Variants in CWC22 observed in about 807,000 individuals in gnomAD.
The protein encoded by CWC22 is CWC22 spliceosome associated protein, also known as pre-mRNA-splicing factor CWC22 homolog.
In CWC22, 53 loss-of-function variants were observed where a neutral mutation model predicts 117.2. That is an observed-to-expected ratio of 0.45 (90% CI 0.36 to 0.57). CWC22 has a LOEUF of 0.57. Among genes scored for constraint, CWC22 ranks in the 20% least tolerant of loss-of-function variants. CWC22 has a pLI of 0.00. For synonymous variants in CWC22, 360 were observed against 355.6 expected (o/e 1.01, Z -0.14); for missense variants, 980 against 1,068.8 (o/e 0.92, Z 1.16).
intron 1 of CWC22, among the ~76,000 whole-genome samples, chr2:179,993,784 G>C (rs899261666): frequency 6.6e-6 from 1 of 151,908 alleles, no homozygotes; most frequent in African/African-American, 2.4e-5. Context: ...TCATAAAATA[G>C]TAGTGTGATA....
At chr2:179,948,626 T>A (rs1045203995) in intron 19 of CWC22, among the ~76,000 whole-genome samples, 1 of 152,192 alleles carries the variant, frequency 6.6e-6, no homozygotes, top group African/African-American at 2.4e-5. Flanking sequence ...TTGTTTCTAA[T>A]GTACTCTTGC....
At chr2:179,973,892 CTA>C in intron 6 of CWC22, 90 bp from the exon 7 acceptor site, 6 of 601,828 alleles carry the variant, frequency 1.0e-5, no homozygotes, top group Non-Finnish European at 1.6e-5. Context: ...TAATATTTCT[CTA>C]TAAGTAATCA....
intron 1 of CWC22, among the ~76,000 whole-genome samples, chr2:179,996,321 G>A (rs1186992745): frequency 6.6e-6 from 1 of 151,924 alleles, no homozygotes; most frequent in Non-Finnish European, 1.5e-5. Context: ...ACGATGCAAA[G>A]AAAAATATGC....
At chr2:179,971,801 T>C (rs1335176060) in intron 8 of CWC22, among the ~76,000 whole-genome samples, 1 of 152,168 alleles carries the variant, frequency 6.6e-6, no homozygotes, top group East Asian at 1.9e-4. Flanking sequence ...AGTCAGACAG[T>C]GATTTAAGAT....
intron 7 of CWC22, 118 bp downstream of exon 7, chr2:179,973,516 T>C (rs1270859397): frequency 1.4e-6 from 1 of 734,128 alleles, no homozygotes; most frequent in Non-Finnish European, 2.2e-6. Context: ...TGAAAGACAG[T>C]TTTTAAAAAG....
rs763700302 is a variant in CWC22, at chr2:179,945,095, A to G, written c.*34T>C. The G allele has an allele frequency of 3.3e-5, 47 of 1,433,562 alleles. No individual in the cohort carries two copies. The highest frequency in any genetic ancestry group is 4.3e-5 in the Non-Finnish European group (45 of 1,053,208). 88.8% of individuals were successfully genotyped at this position (1,433,562 alleles called of 1,614,324 possible). ...AAAAAATAATTTGTTTCAACTGAAT[A>G]TAAGGCATGTCCAGTTTATGTCATT... On this transcript the variant is annotated 3_prime_UTR_variant, in exon 20 of 20. Transcript: ENST00000410053.
intron 14 of CWC22, among the ~76,000 whole-genome samples, chr2:179,956,933 A>G (rs1686610524): frequency 6.6e-6 from 1 of 152,150 alleles, no homozygotes; most frequent in East Asian, 1.9e-4. Flanking sequence ...TATAAGAGTT[A>G]TTCCCTCTAG....
chr2:179,958,664 C>A (rs763552820), intron 14 of CWC22, among the ~76,000 whole-genome samples: 4 of 151,872 alleles, frequency 2.6e-5, no homozygotes, highest in Non-Finnish European at 5.9e-5. Flanking sequence ...GATTGGATAC[C>A]CCTGCAGTGC....
At chr2:179,971,360 C>T (rs1294634577) in intron 8 of CWC22, among the ~76,000 whole-genome samples, 10 of 152,044 alleles carry the variant, frequency 6.6e-5, no homozygotes, top group African/African-American at 2.4e-4. Flanking sequence ...TATTCTTAGC[C>T]ATTATGTACG....
At chr2:179,970,596 C>G in intron 10 of CWC22, 33 bp from the exon 11 acceptor site, 12 of 1,562,134 alleles carry the variant, frequency 7.7e-6, no homozygotes, top group Non-Finnish European at 9.5e-6. Context: ...TGTTTATTTT[C>G]TATATTTACA....
At chr2:179,950,415 A>C (rs1686414004) in intron 19 of CWC22, 97 bp downstream of exon 19, 1 of 766,710 alleles carries the variant, frequency 1.3e-6, no homozygotes, top group Non-Finnish European at 2.1e-6. Flanking sequence ...ACTGATCTCT[A>C]AGACAAATAA....
chr2:179,973,040 T>C (rs993582652), intron 8 of CWC22, among the ~76,000 whole-genome samples, 153 bp downstream of exon 8: 3 of 151,882 alleles, frequency 2.0e-5, no homozygotes, highest in Non-Finnish European at 4.4e-5. Flanking sequence ...ACATTAAATA[T>C]ATTTATTATA....
Position 179,950,730 on chromosome 2 carries a change from T to A in CWC22, c.1922A>T (p.Asp641Val), listed in dbSNP as rs1285931256. The A allele has an allele frequency of 6.2e-7, 1 of 1,612,662 alleles. No homozygotes were observed. Among genetic ancestry groups the A allele is most frequent in the Non-Finnish European group, 8.5e-7 (1 of 1,178,866 alleles). ...ATTTTTGAGATGCTCCCGCAGTTCATCCCTAATTTAAAATATAATCTGTTA... is the reference window on the plus strand; with the variant it reads ...ATTTTTGAGATGCTCCCGCAGTTCAACCCTAATTTAAAATATAATCTGTTA... ...FTSIGLGGLT[D>V]ELREHLKNTP... The change falls in exon 19 of 20, where the codon GAT becomes GTT. Residue 641 changes from aspartate (D) to valine (V), a missense_variant and splice_region_variant. Physicochemically the swap from Asp to Val is radical, Grantham distance 152. This residue lies in a region of CWC22 where 115 missense variants were observed against 169.8 expected (regional missense o/e 0.68). Transcript: ENST00000410053.
chr2:179,984,178 G>A (rs1687356820), intron 4 of CWC22, among the ~76,000 whole-genome samples: 1 of 152,056 alleles, frequency 6.6e-6, no homozygotes, highest in African/African-American at 2.4e-5. Flanking sequence ...AAGCTTTGGA[G>A]CCAGAACTGA....
rs756855429 is a variant in CWC22 at position 179,981,836 on chromosome 2, T to G, written c.368A>C (p.Asp123Ala). 3.1e-6 allele frequency: 5 copies of G among 1,613,792 alleles called. No individual in the cohort carries two copies. In the Admixed American group the frequency reaches 8.3e-5, roughly 27 times the overall value. ...TCCACCAGTGCGAGTAAGAAGAGGA[T>G]CCAGCTCATCTTTCTTTTTCTTTGT... is the stretch of plus-strand genomic sequence containing the variant. ...PATKKKKDEL[D>A]PLLTRTGGAY... Residue 123 changes from aspartate to alanine, a missense_variant, in exon 5 of 20, where the codon GAT becomes GCT. Asp to Ala is a moderately radical substitution (Grantham distance 126). This residue lies in a region of CWC22 where 559 missense variants were observed against 602.3 expected (regional missense o/e 0.93). Coordinates refer to ENST00000410053, the MANE Select transcript of CWC22 (RefSeq NM_020943.3).
intron 1 of CWC22, among the ~76,000 whole-genome samples, chr2:180,001,326 TTTTC>T (rs1559299545): frequency 1.3e-5 from 2 of 151,934 alleles, no homozygotes; most frequent in South Asian, 2.1e-4. Context: ...TCTAATTTTT[TTTTC>T]TTTTTTTTTT....
Position 179,965,923 on chromosome 2 carries a change from C to G in CWC22, c.1270G>C (p.Glu424Gln). ...NTDQDAGSSE[E>Q]DEEEEEEEGE... ...TCTTCCTCTTCTTCTTCCTCGTCCT[C>G]TTCACTACTCCCAGCATCCTGGTCT... The change falls in exon 12 of 20, where the codon GAG (glutamate) becomes CAG (glutamine). Residue 424 changes from glutamate to glutamine, a missense_variant. Around this residue, in one of 3 missense-constraint regions of CWC22, gnomAD observed 559 missense variants for 602.3 expected, o/e 0.93. Transcript: ENST00000410053. 6.2e-7 allele frequency: 1 copy of G among 1,607,496 alleles called. No homozygotes were observed. Among genetic ancestry groups the G allele is most frequent in the South Asian group, 1.1e-5 (1 of 90,878 alleles).
Position 179,945,041 on chromosome 2 carries a change from C to G in CWC22, c.*88G>C. The G allele has an allele frequency of 1.2e-6, 1 of 868,812 alleles. No individual in the cohort carries two copies. Among genetic ancestry groups the G allele is most frequent in the African/African-American group, 1.7e-5 (1 of 58,708 alleles). The allele number at this position is 868,812 out of a possible 1,614,324, so 53.8% of individuals were successfully genotyped here. A position where few individuals can be genotyped will look rare whatever the true frequency, so the allele number is the denominator to read the frequency against. ...TACAAATACAAACCAATACTTTATA[C>G]AAGAATTCTCTATAAAGTTCGTCAA... On this transcript the variant is annotated 3_prime_UTR_variant, in exon 20 of 20. Coordinates refer to ENST00000410053, the MANE Select transcript of CWC22 (RefSeq NM_020943.3).
chr2:179,951,865 T>C (rs532675338), intron 17 of CWC22, among the ~76,000 whole-genome samples: 8 of 152,024 alleles, frequency 5.3e-5, no homozygotes, highest in Admixed American at 1.3e-4. Context: ...AGTGAGTAGG[T>C]AGTCAACTGC....
Sources: gnomAD v4.1 joint callset for allele counts (sites outside exome capture counted in the v4.1 genomes callset) on GRCh38, gnomAD v4.1.1 for gene constraint, gnomAD v4.1.1 regional missense constraint, MANE v1.5 for transcripts, NCBI Gene and HGNC (gene_info 2026-07-23, HGNC 2026-07-21) for gene names.